SORBS2: variants seen among roughly 807,000 people sequenced by gnomAD.
SORBS2 encodes the protein sorbin and SH3 domain containing 2, also known as sorbin and SH3 domain-containing protein 2.
Under a neutral mutation model 97.7 loss-of-function variants are expected in SORBS2, and 46 were observed. That is an observed-to-expected ratio of 0.47 (90% CI 0.37 to 0.60). The LOEUF is 0.60. SORBS2 is among the 20% of genes least tolerant of loss of function. The pLI is 0.00. For missense variants in SORBS2, 1,316 were observed against 1,282.3 expected (o/e 1.03, Z -0.40); for synonymous variants, 476 against 473.4 (o/e 1.01, Z -0.07).
At chr4:185,921,749 A>T (rs1466495113) in intron 1 of SORBS2, among the ~76,000 whole-genome samples, 1 of 152,224 alleles carries the variant, frequency 6.6e-6, no homozygotes, top group Non-Finnish European at 1.5e-5. Context: ...TGCTATTTTT[A>T]GCCAGTTCTT....
chr4:185,717,463 C>G (rs746534288), intron 2 of SORBS2, among the ~76,000 whole-genome samples: 2 of 152,198 alleles, frequency 1.3e-5, no homozygotes, highest in South Asian at 2.1e-4. Flanking sequence ...CTGTGTGCAA[C>G]GCGTATTATT....
chr4:185,697,775 G>C (rs896006211), intron 2 of SORBS2, among the ~76,000 whole-genome samples: 4 of 152,170 alleles, frequency 2.6e-5, no homozygotes, highest in Non-Finnish European at 5.9e-5. Context: ...AAGTGCCTCT[G>C]ATTTCCCACC....
chr4:185,694,476 T>C (rs1031333452), intron 2 of SORBS2, among the ~76,000 whole-genome samples: 2 of 152,158 alleles, frequency 1.3e-5, no homozygotes, highest in African/African-American at 4.8e-5. Context: ...GGGGATTGTG[T>C]TTACTTTTGT....
chr4:185,729,961 CTTTTTT>C (rs371827172), intron 2 of SORBS2, among the ~76,000 whole-genome samples: 1 of 150,794 alleles, frequency 6.6e-6, no homozygotes, highest in African/African-American at 2.4e-5. Flanking sequence ...TTTCTTTTTT[CTTTTTT>C]TTTGAGATGG....
At chr4:185,739,259 T>C (rs1241942983) in intron 2 of SORBS2, among the ~76,000 whole-genome samples, 2 of 152,148 alleles carry the variant, frequency 1.3e-5, no homozygotes, top group Non-Finnish European at 2.9e-5. Context: ...AGTCTTACAG[T>C]TGGAAATATA....
intron 12 of SORBS2, among the ~76,000 whole-genome samples, chr4:185,601,294 A>T (rs1441822151): frequency 6.6e-6 from 1 of 152,176 alleles, no homozygotes; most frequent in Admixed American, 6.5e-5. Flanking sequence ...CTGGATAAAG[A>T]CCACATTTCC....
chr4:185,777,400 A>G (rs1221704573), intron 1 of SORBS2, among the ~76,000 whole-genome samples: 2 of 152,098 alleles, frequency 1.3e-5, no homozygotes, highest in African/African-American at 4.8e-5. Context: ...AGCTGCAGAC[A>G]GACACATTTT....
chr4:185,656,654 C>T, exon 1 of SORBS2: 1 of 1,551,172 alleles, frequency 6.4e-7, no homozygotes. Context: ...CCCCGGCTTC[C>T]TTCTCCCGGC....
intron 4 of SORBS2, among the ~76,000 whole-genome samples, chr4:185,637,445 C>A (rs1237787589): frequency 6.6e-6 from 1 of 152,224 alleles, no homozygotes; most frequent in East Asian, 1.9e-4. Flanking sequence ...CAGAACCCGT[C>A]CACATCCTTA....
chr4:185,744,951 T>A (rs2098750757), intron 2 of SORBS2, among the ~76,000 whole-genome samples: 1 of 152,206 alleles, frequency 6.6e-6, no homozygotes, highest in African/African-American at 2.4e-5. Flanking sequence ...CATATTGAAG[T>A]CGCCCAAACT....
At chr4:185,823,693 A>G (rs2099198144) in intron 1 of SORBS2, among the ~76,000 whole-genome samples, 1 of 152,184 alleles carries the variant, frequency 6.6e-6, no homozygotes, top group African/African-American at 2.4e-5. Context: ...AAACTTCTCA[A>G]TTTCCACGAG....
intron 1 of SORBS2, among the ~76,000 whole-genome samples, chr4:185,889,271 C>A (rs1367047400): frequency 2.0e-5 from 3 of 152,084 alleles, no homozygotes; most frequent in Non-Finnish European, 4.4e-5. Flanking sequence ...AACTGAAAAA[C>A]AGAATGAGGT....
chr4:185,713,690 G>C (rs1019218035), intron 2 of SORBS2, among the ~76,000 whole-genome samples: 1 of 152,212 alleles, frequency 6.6e-6, no homozygotes, highest in Non-Finnish European at 1.5e-5. Flanking sequence ...CTGTGGAAAA[G>C]GGTGCAAGAG....
chr4:185,764,926 C>A lies in SORBS2; in HGVS notation c.-198+10301G>T, dbSNP rs141565863. On this transcript the variant is annotated intron_variant, in intron 2 of 20. Transcript: ENST00000284776. Reference sequence around the variant, plus strand: ...GTAATATTTATCAGTCCATATATTTCTTTACATTATGATGATGTAGGTTTT... The same window carrying A: ...GTAATATTTATCAGTCCATATATTTATTTACATTATGATGATGTAGGTTTT... Among the ~76,000 whole-genome samples, 16 of 152,250 alleles carry A rather than the reference C, an allele frequency of 1.1e-4. No homozygotes were observed. The East Asian group carries it at 3.1e-3, about 29-fold the overall frequency.
intron 2 of SORBS2, chr4:185,774,436 T>C (rs1481848539): frequency 6.6e-6 from 1 of 152,214 alleles, no homozygotes; most frequent in African/African-American, 2.4e-5. Flanking sequence ...AAGGAGACTT[T>C]TTACTGAGCA....
At chr4:185,862,184 C>T (rs2099224198) in intron 1 of SORBS2, among the ~76,000 whole-genome samples, 1 of 152,168 alleles carries the variant, frequency 6.6e-6, no homozygotes, top group East Asian at 1.9e-4. Flanking sequence ...AGAAGCATTA[C>T]TAAGAGCAAC....
intron 1 of SORBS2, among the ~76,000 whole-genome samples, chr4:185,836,613 C>A (rs1561221014): frequency 6.8e-6 from 1 of 147,260 alleles, no homozygotes; most frequent in African/African-American, 2.5e-5. Context: ...TCACACCGAG[C>A]CTCAGAAAGT....
chr4:185,906,635 G>C (rs952208508), intron 1 of SORBS2, among the ~76,000 whole-genome samples: 1 of 152,166 alleles, frequency 6.6e-6, no homozygotes, highest in Non-Finnish European at 1.5e-5. Flanking sequence ...TGCAGTGCCC[G>C]TGAATGAATA....
intron 4 of SORBS2, chr4:185,676,889 C>G: frequency 1.2e-6 from 1 of 859,206 alleles, no homozygotes; most frequent in Non-Finnish European, 1.7e-6. Context: ...TCCCTTCCTG[C>G]TTGGAAACTA....
Sources: gnomAD v4.1 joint callset for allele counts (sites outside exome capture counted in the v4.1 genomes callset) on GRCh38, gnomAD v4.1.1 for gene constraint, MANE v1.5 for transcripts, NCBI Gene and HGNC (gene_info 2026-07-23, HGNC 2026-07-21) for gene names.